The following PUM1 variants were observed in gnomAD, a reference collection of about 807,000 sequenced individuals.
PUM1 encodes the protein pumilio RNA binding family member 1.
A neutral mutation model predicts 131.8 loss-of-function variants in PUM1; 13 were observed. That is an observed-to-expected ratio of 0.10 (90% CI 0.06 to 0.16). The LOEUF is 0.16. PUM1 is among the 10% of genes least tolerant of loss of function. PUM1 has a pLI of 1.00. For synonymous variants in PUM1, 509 were observed against 556.5 expected, an observed-to-expected ratio of 0.91 and a Z score of 1.20; for missense variants, 961 against 1,512.4, an observed-to-expected ratio of 0.64 and a Z score of 6.05.
At chr1:31,050,705 C>T (rs542534040) in intron 2 of PUM1, among the ~76,000 whole-genome samples, 51 of 152,298 alleles carry the variant, frequency 3.3e-4, no homozygotes, top group South Asian at 1.5e-3. Flanking sequence ...CTAAGAGAGT[C>T]CATCAGCAGG....
chr1:30,985,899 A>C (rs756202077), intron 7 of PUM1, among the ~76,000 whole-genome samples: 1 of 152,216 alleles, frequency 6.6e-6, no homozygotes, highest in Non-Finnish European at 1.5e-5. Flanking sequence ...AGAAACCAAA[A>C]TAATAGCTAT....
At chr1:31,046,629 T>C (rs1643974268) in intron 2 of PUM1, among the ~76,000 whole-genome samples, 1 of 150,640 alleles carries the variant, frequency 6.6e-6, no homozygotes, top group Non-Finnish European at 1.5e-5. Context: ...TGCCTCAGCC[T>C]CCTAAGTAGC....
intron 18 of PUM1, among the ~76,000 whole-genome samples, chr1:30,944,448 G>A (rs928661398): frequency 6.6e-6 from 1 of 152,102 alleles, no homozygotes; most frequent in East Asian, 1.9e-4. Flanking sequence ...AGCCAATTCA[G>A]AAGCAATTCT....
intron 7 of PUM1, among the ~76,000 whole-genome samples, chr1:30,991,382 G>A (rs1003618580): frequency 6.6e-6 from 1 of 152,090 alleles, no homozygotes; most frequent in South Asian, 2.1e-4. Flanking sequence ...AAACGACACA[G>A]GAGACTTAAA....
chr1:30,995,502 T>TC (rs1446869446), intron 5 of PUM1, among the ~76,000 whole-genome samples: 1 of 152,132 alleles, frequency 6.6e-6, no homozygotes, highest in Non-Finnish European at 1.5e-5. Context: ...TTTTCTTCCT[T>TC]CCTTTTTTTT....
chr1:30,970,599 C>A (rs567038119), intron 10 of PUM1, among the ~76,000 whole-genome samples: 1 of 152,070 alleles, frequency 6.6e-6, no homozygotes, highest in Admixed American at 6.5e-5. Flanking sequence ...ATAGAAGAGT[C>A]GGGGGGCTGT....
chr1:30,951,475 A>G lies in PUM1; in HGVS notation c.2721+759T>C, dbSNP rs543687858. On this transcript the variant is annotated intron_variant, in intron 16 of 21. Transcript: ENST00000426105. ...AGGATGAGATGTTAAGACATTTACAAATTTGTTTTGTGGTAGGTAATGTGC... is the reference window on the plus strand; with the variant it reads ...AGGATGAGATGTTAAGACATTTACAGATTTGTTTTGTGGTAGGTAATGTGC... Among the ~76,000 whole-genome samples, 6 of 152,286 alleles carry G rather than the reference A, an allele frequency of 3.9e-5. No homozygotes were observed. The South Asian group carries it at 1.2e-3, about 32-fold the overall frequency.
intron 7 of PUM1, among the ~76,000 whole-genome samples, chr1:30,987,286 T>G (rs926676010): frequency 6.6e-6 from 1 of 151,198 alleles, no homozygotes; most frequent in South Asian, 2.1e-4. Context: ...AACCTCCGCC[T>G]CCTGGGTTCA....
chr1:30,936,875 G>C (rs1169948194), intron 20 of PUM1, 40 bp from the exon 21 acceptor site: 2 of 1,514,218 alleles, frequency 1.3e-6, no homozygotes, highest in Non-Finnish European at 1.8e-6. Flanking sequence ...TTACAAGAGA[G>C]GCCCCTGTTA....
At chr1:30,934,422 T>C (rs1324736850) in intron 21 of PUM1, among the ~76,000 whole-genome samples, 2 of 152,150 alleles carry the variant, frequency 1.3e-5, no homozygotes, top group Non-Finnish European at 2.9e-5. Flanking sequence ...AGGGCACCAA[T>C]TTTTGTCTGT....
At chr1:30,986,080 G>C (rs1477900900) in intron 7 of PUM1, among the ~76,000 whole-genome samples, 1 of 152,074 alleles carries the variant, frequency 6.6e-6, no homozygotes, top group Non-Finnish European at 1.5e-5. Context: ...TCAGCCTCTG[G>C]AGTAGCTGGG....
intron 2 of PUM1, among the ~76,000 whole-genome samples, chr1:31,042,307 AAAATAAAT>A (rs202126375): frequency 1.1e-4 from 15 of 137,738 alleles, no homozygotes; most frequent in Admixed American, 2.1e-4. Context: ...CTCTGTATCA[AAAATAAAT>A]AAATAAATAA....
intron 2 of PUM1, among the ~76,000 whole-genome samples, chr1:31,032,078 T>A (rs944543282): frequency 6.6e-6 from 1 of 152,244 alleles, no homozygotes; most frequent in South Asian, 2.1e-4. Flanking sequence ...GCTCAACTTC[T>A]AAGAGTTTTG....
chr1:31,046,907 G>A (rs1285024970), intron 2 of PUM1, among the ~76,000 whole-genome samples: 3 of 152,052 alleles, frequency 2.0e-5, no homozygotes, highest in Admixed American at 1.3e-4. Context: ...TATATTCACA[G>A]CAGGCTATGC....
intron 3 of PUM1, among the ~76,000 whole-genome samples, chr1:31,022,190 A>C (rs1177702638): frequency 1.3e-5 from 2 of 152,110 alleles, no homozygotes; most frequent in East Asian, 1.9e-4. Context: ...AATGGGAATA[A>C]TACCTCTCAA....
chr1:31,003,623 G>A (rs1164026165), intron 5 of PUM1, among the ~76,000 whole-genome samples: 2 of 152,106 alleles, frequency 1.3e-5, no homozygotes, highest in East Asian at 1.9e-4. Flanking sequence ...CGGGCATGGT[G>A]GCAGGCATCT....
chr1:30,956,687 C>T (rs1384799940), intron 14 of PUM1, among the ~76,000 whole-genome samples: 1 of 152,122 alleles, frequency 6.6e-6, no homozygotes, highest in Non-Finnish European at 1.5e-5. Flanking sequence ...GCAATAGCAA[C>T]AAACATACCA....
At chr1:31,059,165 AAAGG>A (rs1323061906) in intron 2 of PUM1, 35 bp downstream of exon 2, 4 of 1,523,064 alleles carry the variant, frequency 2.6e-6, no homozygotes, top group Non-Finnish European at 3.5e-6. Flanking sequence ...CAGTGATTAT[AAAGG>A]AATGTCAAAG....
intron 2 of PUM1, among the ~76,000 whole-genome samples, chr1:31,032,154 C>G (rs1643453132): frequency 6.6e-6 from 1 of 152,220 alleles, no homozygotes. Flanking sequence ...CCAAGTCATT[C>G]TCTCACAAAA....
Sources: gnomAD v4.1 joint callset for allele counts (sites outside exome capture counted in the v4.1 genomes callset) on GRCh38, gnomAD v4.1.1 for gene constraint, MANE v1.5 for transcripts, NCBI Gene and HGNC (gene_info 2026-07-23, HGNC 2026-07-21) for gene names.